Variants in PLEKHA2 observed in about 807,000 individuals in gnomAD.
The protein encoded by PLEKHA2 is pleckstrin homology domain containing A2, also known as pleckstrin homology domain-containing family A member 2.
Under a neutral mutation model 53.2 loss-of-function variants are expected in PLEKHA2, and 28 were observed. The ratio of observed to expected loss-of-function variants is 0.53; its 90% CI spans 0.39 to 0.72. The LOEUF (loss-of-function observed/expected upper bound fraction) is 0.72, where lower values mean the gene tolerates loss of function less well. PLEKHA2 is among the 30% of genes least tolerant of loss of function. The pLI is 0.00. For synonymous variants in PLEKHA2, 193 were observed against 196.4 expected (o/e 0.98, Z 0.14); for missense variants, 426 against 537.9 (o/e 0.79, Z 2.06).
At chr8:38,927,661 A>G (rs1834312553) in intron 2 of PLEKHA2, among the ~76,000 whole-genome samples, 1 of 152,238 alleles carries the variant, frequency 6.6e-6, no homozygotes, top group Non-Finnish European at 1.5e-5. Context: ...CATGATGAAT[A>G]TATTCATTAA....
intron 3 of PLEKHA2, 99 bp from the exon 4 acceptor site, chr8:38,943,690 T>C (rs542100751): frequency 2.3e-6 from 2 of 851,160 alleles, no homozygotes; most frequent in South Asian, 3.7e-5. Context: ...TGTAGACATA[T>C]GTTTAATGTA....
intron 1 of PLEKHA2, among the ~76,000 whole-genome samples, chr8:38,909,257 A>T (rs1228246827): frequency 6.6e-6 from 1 of 152,060 alleles, no homozygotes; most frequent in African/African-American, 2.4e-5. Flanking sequence ...CTTTCTTTGC[A>T]TCTTTGTTGA....
chr8:38,955,172 C>T (rs779002705), intron 9 of PLEKHA2, among the ~76,000 whole-genome samples: 7 of 152,174 alleles, frequency 4.6e-5, no homozygotes, highest in South Asian at 2.1e-4. Context: ...GCAGTGTCCA[C>T]GGTGCCCAAA....
chr8:38,930,400 C>T (rs1834370102), intron 2 of PLEKHA2, among the ~76,000 whole-genome samples: 1 of 152,092 alleles, frequency 6.6e-6, no homozygotes, highest in African/African-American at 2.4e-5. Context: ...GAAGGGGTTT[C>T]ACCATGTTGG....
intron 3 of PLEKHA2, among the ~76,000 whole-genome samples, chr8:38,939,464 T>C (rs917424812): frequency 4.6e-5 from 7 of 152,204 alleles, no homozygotes; most frequent in African/African-American, 1.7e-4. Context: ...CCAATGATGG[T>C]TGTACACGCA....
chr8:38,968,241 G>A (rs1835177574), intron 10 of PLEKHA2, among the ~76,000 whole-genome samples: 1 of 152,146 alleles, frequency 6.6e-6, no homozygotes, highest in African/African-American at 2.4e-5. Flanking sequence ...TTGGCTTTCT[G>A]GGCCTCATTT....
rs753579599 is a variant in PLEKHA2, at chr8:38,973,780, GTAA to G, written c.*3998_*4000del. 5.8e-6 allele frequency: 1 copy of G among 173,058 alleles called. No homozygotes were observed. Among genetic ancestry groups the G allele is most frequent in the Non-Finnish European group, 1.2e-5 (1 of 82,968 alleles). 10.7% of individuals were successfully genotyped at this position (173,058 alleles called of 1,614,324 possible). On this transcript the variant is annotated 3_prime_UTR_variant, in exon 12 of 12. Transcript: ENST00000617275. ...GTTTCAGCTGTGAAATGCACTCGCT[GTAA>G]GCTCTAGGCTGAGTGCATGGAAACT... is the stretch of plus-strand genomic sequence containing the variant.
At position 38,969,902 on chromosome 8, in the gene PLEKHA2, G is replaced by C. The variant is rs931115173; in HGVS notation, c.*119G>C. Reference sequence around the variant, plus strand: ...AGGCCTTTATGTCACTCATATTCCTGTGGATGCTCTTTGGGAGGGAGGGGC... The same window carrying C: ...AGGCCTTTATGTCACTCATATTCCTCTGGATGCTCTTTGGGAGGGAGGGGC... On this transcript the variant is annotated 3_prime_UTR_variant, in exon 12 of 12. Coordinates refer to ENST00000617275, the MANE Select transcript of PLEKHA2 (RefSeq NM_021623.2). 1 of 1,414,260 alleles carries C rather than the reference G, an allele frequency of 7.1e-7. No individual in the cohort carries two copies. Among genetic ancestry groups the C allele is most frequent in the Non-Finnish European group, 9.4e-7 (1 of 1,060,360 alleles). 87.6% of individuals were successfully genotyped at this position (1,414,260 alleles called of 1,614,324 possible).
At position 38,956,937 on chromosome 8, in the gene PLEKHA2, G is replaced by A. The variant is rs377029767; in HGVS notation, c.774-386G>A. On this transcript the variant is annotated intron_variant, in intron 9 of 11. Transcript: ENST00000617275. ...TGAAATAATCTACAAAAAAGCACCCGAAACGGTGCTTCCCACAAAGCACTT... is the reference window on the plus strand; with the variant it reads ...TGAAATAATCTACAAAAAAGCACCCAAAACGGTGCTTCCCACAAAGCACTT... Among the ~76,000 whole-genome samples, 11 of 152,282 alleles carry A rather than the reference G, an allele frequency of 7.2e-5. No individual in the cohort carries two copies. The East Asian group carries it at 9.6e-4, about 13-fold the overall frequency.
At chr8:38,931,306 C>T (rs1410716791) in intron 2 of PLEKHA2, among the ~76,000 whole-genome samples, 5 of 152,028 alleles carry the variant, frequency 3.3e-5, no homozygotes, top group Admixed American at 6.6e-5. Flanking sequence ...AGATACCTCC[C>T]GAGGTGATTC....
At chr8:38,931,970 G>T (rs1834401571) in intron 2 of PLEKHA2, among the ~76,000 whole-genome samples, 1 of 152,062 alleles carries the variant, frequency 6.6e-6, no homozygotes, top group South Asian at 2.1e-4. Context: ...TTGAGCGCGG[G>T]CTTTTTTTTA....
At chr8:38,916,637 T>TATA (rs1277933358) in intron 1 of PLEKHA2, among the ~76,000 whole-genome samples, 3 of 152,212 alleles carry the variant, frequency 2.0e-5, no homozygotes, top group African/African-American at 7.2e-5. Context: ...CTCCATTGTG[T>TATA]ATATATGCCA....
chr8:38,927,808 A>G (rs770743237), intron 2 of PLEKHA2, among the ~76,000 whole-genome samples: 6 of 152,202 alleles, frequency 3.9e-5, no homozygotes, highest in Non-Finnish European at 8.8e-5. Flanking sequence ...CTAAAGTGCT[A>G]CAGATGTTAT....
chr8:38,905,715 C>T (rs1324054448), intron 1 of PLEKHA2, among the ~76,000 whole-genome samples: 107 of 130,384 alleles, frequency 8.2e-4, no homozygotes, highest in African/African-American at 2.8e-3. Flanking sequence ...GACAGAGTCT[C>T]GCCCTGTCGC....
At chr8:38,968,898 CTTTT>C (rs761821480) in intron 11 of PLEKHA2, 954 of 249,370 alleles carry the variant, frequency 3.8e-3, no homozygotes, top group South Asian at 6.2e-3. Context: ...AATGGAATTT[CTTTT>C]TTTTTTTTTT....
chr8:38,919,124 G>A (rs1476271384), intron 2 of PLEKHA2, among the ~76,000 whole-genome samples: 1 of 152,222 alleles, frequency 6.6e-6, no homozygotes, highest in Non-Finnish European at 1.5e-5. Flanking sequence ...ATCCTGGATT[G>A]GAGGTGCCCT....
At chr8:38,940,009 C>T (rs771823649) in intron 3 of PLEKHA2, among the ~76,000 whole-genome samples, 1 of 150,146 alleles carries the variant, frequency 6.7e-6, no homozygotes, top group Admixed American at 6.7e-5. Context: ...TTGGGAGGAT[C>T]GCTGGAGCCC....
chr8:38,920,687 T>C (rs1371629045), intron 2 of PLEKHA2, among the ~76,000 whole-genome samples: 1 of 150,022 alleles, frequency 6.7e-6, no homozygotes, highest in Non-Finnish European at 1.5e-5. Context: ...CAGCCTCCCA[T>C]GTAGCTGGGA....
At chr8:38,902,283 G>T (rs1412129725) in intron 1 of PLEKHA2, among the ~76,000 whole-genome samples, 1 of 152,012 alleles carries the variant, frequency 6.6e-6, no homozygotes, top group Non-Finnish European at 1.5e-5. Flanking sequence ...CGCCCAGAGA[G>T]GGGCGCAGGG....
Sources: gnomAD v4.1 joint callset for allele counts (sites outside exome capture counted in the v4.1 genomes callset) on GRCh38, gnomAD v4.1.1 for gene constraint, MANE v1.5 for transcripts, NCBI Gene and HGNC (gene_info 2026-07-23, HGNC 2026-07-21) for gene names.